The following NCOA2 variants were observed in gnomAD, a reference collection of about 807,000 sequenced individuals.
NCOA2 encodes the protein class E basic helix-loop-helix protein 75.
In NCOA2, 21 loss-of-function variants were observed where a neutral mutation model predicts 145.1. The observed-to-expected ratio is 0.14, with a 90% confidence interval of 0.10 to 0.21. The LOEUF (loss-of-function observed/expected upper bound fraction) is 0.21, where lower values mean the gene tolerates loss of function less well. Among genes scored for constraint, NCOA2 ranks in the 10% least tolerant of loss-of-function variants. NCOA2 has a pLI of 1.00. For synonymous variants in NCOA2, 619 were observed against 637.5 expected (o/e 0.97, Z 0.44); for missense variants, 1,472 against 1,837.6 (o/e 0.80, Z 3.64).
chr8:70,290,476 A>G (rs1429023425), intron 2 of NCOA2, among the ~76,000 whole-genome samples: 4 of 152,014 alleles, frequency 2.6e-5, no homozygotes, highest in African/African-American at 7.2e-5. Context: ...GTGTGAGCCA[A>G]CGCGCCCGGC....
chr8:70,239,332 G>A (rs892623521), intron 2 of NCOA2, among the ~76,000 whole-genome samples: 3 of 152,108 alleles, frequency 2.0e-5, no homozygotes, highest in African/African-American at 4.8e-5. Flanking sequence ...TCATCTAAAT[G>A]AAAGACTAAC....
chr8:70,334,164 T>C (rs1422004758), intron 1 of NCOA2, among the ~76,000 whole-genome samples: 1 of 152,194 alleles, frequency 6.6e-6, no homozygotes, highest in African/African-American at 2.4e-5. Flanking sequence ...TAAGGCCAAA[T>C]TTATATCCTC....
Position 70,351,766 on chromosome 8 carries a change from T to C in NCOA2, c.-77+51934A>G, listed in dbSNP as rs1039447961. Among the ~76,000 whole-genome samples the C allele has an allele frequency of 7.2e-4, 108 of 149,968 alleles. 1 individual carries two copies. Among genetic ancestry groups the C allele is most frequent in the African/African-American group, 2.4e-3 (99 of 40,984 alleles). Reference sequence around the variant, plus strand: ...ACCCCGGCTAATTTTTTTTTTTTTTTTTTTTTTAAGTAGAGATAAAGTCTC... The same window carrying C: ...ACCCCGGCTAATTTTTTTTTTTTTTCTTTTTTTAAGTAGAGATAAAGTCTC... On this transcript the variant is annotated intron_variant, in intron 1 of 22. Transcript: ENST00000452400.
intron 13 of NCOA2, among the ~76,000 whole-genome samples, chr8:70,143,328 A>G (rs1293932633): frequency 6.6e-6 from 1 of 152,106 alleles, no homozygotes; most frequent in East Asian, 1.9e-4. Context: ...GGCTGCTCGG[A>G]TTTTAATACA....
chr8:70,360,674 A>G (rs1810117424), intron 1 of NCOA2, among the ~76,000 whole-genome samples: 1 of 152,200 alleles, frequency 6.6e-6, no homozygotes, highest in South Asian at 2.1e-4. Flanking sequence ...GCGGTGGCTC[A>G]TGATTGTAAT....
intron 4 of NCOA2, among the ~76,000 whole-genome samples, chr8:70,191,469 C>A (rs1039065229): frequency 2.6e-5 from 4 of 152,210 alleles, no homozygotes; most frequent in Admixed American, 2.6e-4. Context: ...CTAGTCCCCC[C>A]ACTTAGAATA....
chr8:70,151,088 T>C (rs1267963349), intron 11 of NCOA2, among the ~76,000 whole-genome samples: 1 of 152,214 alleles, frequency 6.6e-6, no homozygotes, highest in Admixed American at 6.5e-5. Flanking sequence ...GGAGGTGGGC[T>C]ATAATAAGTG....
chr8:70,427,773 C>G, the NCOA2 span, among the ~76,000 whole-genome samples: 8 of 152,084 alleles, frequency 5.3e-5, no homozygotes, highest in East Asian at 1.5e-3. Flanking sequence ...GCTCTGTGGT[C>G]CCCAAATTTA....
the NCOA2 span, chr8:70,424,629 T>C: frequency 5.3e-6 from 2 of 379,416 alleles, no homozygotes; most frequent in Admixed American, 3.0e-5. Context: ...GCAAACTTTT[T>C]CTGCAAAAAG....
chr8:70,265,867 T>C (rs1173627704), intron 2 of NCOA2, among the ~76,000 whole-genome samples: 2 of 152,168 alleles, frequency 1.3e-5, no homozygotes, highest in Non-Finnish European at 2.9e-5. Context: ...CAGAGTCGGC[T>C]GGGCGTGGTG....
At position 70,156,922 on chromosome 8, in the gene NCOA2, C is replaced by T. The variant is rs1019704592; in HGVS notation, c.1443G>A (p.Gln481=). The T allele has an allele frequency of 3.1e-6, 5 of 1,613,900 alleles. No homozygotes were observed. The highest frequency in any genetic ancestry group is 1.7e-5 in the Admixed American group (1 of 59,990). Residue 481 remains glutamine, a synonymous_variant, in exon 11 of 23, where the codon CAG becomes CAA. Coordinates refer to ENST00000452400, the MANE Select transcript of NCOA2 (RefSeq NM_006540.4). Reference sequence around the variant, plus strand: ...GCCTTGGTGAAAGCATGGAGGTGGGCTGTCCTGGATTCATGCCAGGGCTGC... The same window carrying T: ...GCCTTGGTGAAAGCATGGAGGTGGGTTGTCCTGGATTCATGCCAGGGCTGC... ...SQSSPGMNPG[Q]PTSMLSPRHR...
chr8:70,299,398 G>A (rs1021376880), intron 1 of NCOA2, among the ~76,000 whole-genome samples: 1 of 152,034 alleles, frequency 6.6e-6, no homozygotes, highest in Non-Finnish European at 1.5e-5. Context: ...TCTGATAAAG[G>A]ACACATATCT....
At chr8:70,292,888 A>T (rs931398109) in intron 2 of NCOA2, among the ~76,000 whole-genome samples, 19 of 151,920 alleles carry the variant, frequency 1.3e-4, no homozygotes, top group African/African-American at 3.4e-4. Flanking sequence ...GCTTTGTGTC[A>T]ACAACACCCA....
the NCOA2 span, among the ~76,000 whole-genome samples, chr8:70,456,395 T>C: frequency 2.0e-5 from 3 of 152,196 alleles, no homozygotes; most frequent in Non-Finnish European, 2.9e-5. Context: ...ACCAACCTTC[T>C]CAATGCACTG....
intron 1 of NCOA2, among the ~76,000 whole-genome samples, chr8:70,307,220 C>CAAAAAAAAAA (rs57161747): frequency 5.0e-3 from 354 of 70,864 alleles, no homozygotes; most frequent in East Asian, 7.7e-3. Flanking sequence ...CCTACATAAG[C>CAAAAAAAAAA]AAAAAAAAAA....
chr8:70,314,752 T>C (rs1376258622), intron 1 of NCOA2, among the ~76,000 whole-genome samples: 1 of 152,222 alleles, frequency 6.6e-6, no homozygotes, highest in African/African-American at 2.4e-5. Flanking sequence ...TGTATTATTG[T>C]ATGTGTGAAC....
intron 6 of NCOA2, among the ~76,000 whole-genome samples, chr8:70,166,989 G>C (rs1047326327): frequency 6.6e-6 from 1 of 151,688 alleles, no homozygotes; most frequent in African/African-American, 2.4e-5. Context: ...TATACTTCAA[G>C]TTCTGGAATA....
chr8:70,347,022 T>C (rs1808716930), intron 1 of NCOA2, among the ~76,000 whole-genome samples: 1 of 152,358 alleles, frequency 6.6e-6, no homozygotes, highest in Admixed American at 6.5e-5. Flanking sequence ...TTTTCTTTAA[T>C]GTGAACAAAA....
chr8:70,326,289 C>T (rs2136228707), intron 1 of NCOA2, among the ~76,000 whole-genome samples: 1 of 152,238 alleles, frequency 6.6e-6, no homozygotes, highest in East Asian at 1.9e-4. Context: ...ATATAAAGTA[C>T]ATATGCTCTT....
Sources: gnomAD v4.1 joint callset for allele counts (sites outside exome capture counted in the v4.1 genomes callset) on GRCh38, gnomAD v4.1.1 for gene constraint, MANE v1.5 for transcripts, NCBI Gene and HGNC (gene_info 2026-07-23, HGNC 2026-07-21) for gene names.